WDR72: variants seen among roughly 807,000 people sequenced by gnomAD.
The protein encoded by WDR72 is WD repeat domain 72, also known as WD repeat-containing protein 72.
A neutral mutation model predicts 124.2 loss-of-function variants in WDR72; 120 were observed. The ratio of observed to expected loss-of-function variants is 0.97; its 90% confidence interval spans 0.83 to 1.12. WDR72 has a LOEUF of 1.12. WDR72 is among the 50% of genes most tolerant of loss of function. The probability of loss-of-function intolerance (pLI) is 0.00; values close to 1 mark genes in which losing one functional copy is unlikely to be tolerated. For missense variants in WDR72, 1,387 were observed against 1,278.8 expected (o/e 1.08, Z -1.29); for synonymous variants, 452 against 441.7 (o/e 1.02, Z -0.29).
At position 53,515,068 on chromosome 15, in the gene WDR72, CACATATATATGTATGTAT is replaced by C. The variant is rs1891378774; in HGVS notation, c.*2613_*2630del. ...ATATATATGTGTGTATATATATACA[CACATATATATGTATGTAT>C]ACACACACACACACACACACAAATA... On this transcript the variant is annotated 3_prime_UTR_variant, in exon 20 of 20. Transcript: ENST00000360509. 2.1e-5 allele frequency: 2 copies of C among 96,198 alleles called. No individual in the cohort carries two copies. The highest frequency in any genetic ancestry group is 4.5e-5 in the Non-Finnish European group (2 of 44,910). The allele number at this position is 96,198 out of a possible 1,614,324, so 6.0% of individuals were successfully genotyped here.
At chr15:53,711,977 T>C (rs893465404) in intron 7 of WDR72, among the ~76,000 whole-genome samples, 3 of 152,202 alleles carry the variant, frequency 2.0e-5, no homozygotes, top group Non-Finnish European at 2.9e-5. Context: ...ACTTAGCTTT[T>C]CTTTCTTCTT....
At chr15:53,710,396 G>GAGAA (rs10693059) in intron 9 of WDR72, among the ~76,000 whole-genome samples, 111,906 of 151,354 alleles carry the variant, frequency 0.74, 41,470 homozygotes, top group South Asian at 0.8. Flanking sequence ...GACAGAGAAT[G>GAGAA]AGAAAGTAAA....
At chr15:53,598,233 GTGCCTTTCATATAGC>G (rs2012871388) in intron 17 of WDR72, among the ~76,000 whole-genome samples, 6 of 77,908 alleles carry the variant, frequency 7.7e-5, no homozygotes, top group Non-Finnish European at 2.4e-4. Flanking sequence ...CTACATCCCA[GTGCCTTTCATATAGC>G]TACATCCCAG....
In WDR72 at chr15:53,712,770, A is replaced by T. The variant is rs536884063; in HGVS notation, c.711+2T>A. 1 of 1,611,876 alleles carries T rather than the reference A, an allele frequency of 6.2e-7. No individual in the cohort carries two copies. The highest frequency in any genetic ancestry group is 1.3e-5 in the African/African-American group (1 of 74,992). On this transcript the variant is annotated splice_donor_variant, in intron 7 of 19. Transcript: ENST00000360509. LOFTEE classifies it high-confidence loss of function. Reference sequence around the variant, plus strand: ...GGTATTTATTATGTTACTTTATAATACCTTCCAACATTTAGAAAATACCAC... The same window carrying T: ...GGTATTTATTATGTTACTTTATAATTCCTTCCAACATTTAGAAAATACCAC...
At chr15:53,648,206 T>A (rs1027024667) in intron 14 of WDR72, among the ~76,000 whole-genome samples, 2 of 152,152 alleles carry the variant, frequency 1.3e-5, no homozygotes, top group Non-Finnish European at 2.9e-5. Context: ...AAGCCAAATT[T>A]TACGTAGCAG....
intron 9 of WDR72, among the ~76,000 whole-genome samples, chr15:53,708,688 T>C (rs572188793): frequency 6.6e-6 from 1 of 152,164 alleles, no homozygotes; most frequent in Non-Finnish European, 1.5e-5. Flanking sequence ...GTCATCATCA[T>C]CACCATCATC....
intron 13 of WDR72, among the ~76,000 whole-genome samples, chr15:53,674,797 C>T (rs1215859103): frequency 6.6e-6 from 1 of 152,126 alleles, no homozygotes; most frequent in Non-Finnish European, 1.5e-5. Context: ...ACCACCATGA[C>T]CTTAACCCCA....
At chr15:53,666,044 TCTTA>T (rs2015769151) in intron 13 of WDR72, among the ~76,000 whole-genome samples, 1 of 152,188 alleles carries the variant, frequency 6.6e-6, no homozygotes, top group African/African-American at 2.4e-5. Context: ...TAGTAAAATC[TCTTA>T]CTTATTATAC....
At position 53,715,240 on chromosome 15, in the gene WDR72, G is replaced by A; in HGVS notation, c.467C>T (p.Pro156Leu). ...VVHSFRSSQF[P>L]DWINCMCIVH... Reference sequence around the variant, plus strand: ...AATGCACATGCAGTTGATCCAGTCAGGAAACTGAGATGATCTAAAACTGTG... The same window carrying A: ...AATGCACATGCAGTTGATCCAGTCAAGAAACTGAGATGATCTAAAACTGTG... Residue 156 changes from proline to leucine, a missense_variant, in exon 5 of 20, where the codon CCT becomes CTT. Physicochemically the swap from Pro to Leu is moderately conservative, Grantham distance 98. Transcript: ENST00000360509. 3.7e-6 allele frequency: 6 copies of A among 1,614,100 alleles called. No individual in the cohort carries two copies. The highest frequency in any genetic ancestry group is 5.1e-6 in the Non-Finnish European group (6 of 1,180,008).
At chr15:53,707,485 T>C (rs28419272) in intron 9 of WDR72, among the ~76,000 whole-genome samples, 4 of 152,074 alleles carry the variant, frequency 2.6e-5, no homozygotes, top group Non-Finnish European at 5.9e-5. Context: ...CTCGCTCTGT[T>C]GCCCAGGCTG....
At position 53,515,056 on chromosome 15, in the gene WDR72, T is replaced by TACAC. The variant is rs1891376248; in HGVS notation, c.*2642_*2643insGTGT. ...ATATATATGTGTATATATATGTGTG[T>TACAC]ATATATATACACACATATATATGTA... On this transcript the variant is annotated 3_prime_UTR_variant, in exon 20 of 20. Transcript: ENST00000360509. 1.5e-4 allele frequency: 11 copies of TACAC among 75,726 alleles called. No individual in the cohort carries two copies. The highest frequency in any genetic ancestry group is 3.5e-4 in the African/African-American group (11 of 31,070). The allele number at this position is 75,726 out of a possible 1,614,324, so 4.7% of individuals were successfully genotyped here.
chr15:53,701,833 G>A (rs1468322438), intron 12 of WDR72, among the ~76,000 whole-genome samples: 1 of 152,000 alleles, frequency 6.6e-6, no homozygotes, highest in Non-Finnish European at 1.5e-5. Flanking sequence ...GATATAGAAT[G>A]AGAGGAAAAA....
chr15:53,705,216 T>C lies in WDR72; in HGVS notation c.1120A>G (p.Thr374Ala). The change falls in exon 11 of 20, where the codon ACC (threonine) becomes GCC (alanine). Residue 374 changes from threonine (T) to alanine (A), a missense_variant. Physicochemically the swap from Thr to Ala is moderately conservative, Grantham distance 58. Coordinates refer to ENST00000360509, the MANE Select transcript of WDR72 (RefSeq NM_182758.4). ...TCAAAATTATCTTGAAGAGTCCAGG[T>C]GGCAGTTACTGGTATCTCTAAAAAG... ...GSPREIPVTA[T>A]WTLQDNFDKH... 2 of 1,613,466 alleles carry C rather than the reference T, an allele frequency of 1.2e-6. No individual in the cohort carries two copies. The highest frequency in any genetic ancestry group is 1.3e-5 in the African/African-American group (1 of 75,012).
At chr15:53,676,245 T>C (rs928399314) in intron 13 of WDR72, among the ~76,000 whole-genome samples, 1 of 152,206 alleles carries the variant, frequency 6.6e-6, no homozygotes, top group African/African-American at 2.4e-5. Flanking sequence ...CCAATGACAG[T>C]CATCCTTATG....
intron 14 of WDR72, among the ~76,000 whole-genome samples, chr15:53,651,487 A>C (rs2140428060): frequency 6.6e-6 from 1 of 152,348 alleles, no homozygotes; most frequent in South Asian, 2.1e-4. Context: ...TTCAATGAAT[A>C]CTTGCTGAAT....
chr15:53,526,541 T>C (rs1414108037), intron 18 of WDR72, among the ~76,000 whole-genome samples: 1 of 152,124 alleles, frequency 6.6e-6, no homozygotes, highest in Non-Finnish European at 1.5e-5. Flanking sequence ...TCTTCTCACC[T>C]GTGAAAGTTA....
At chr15:53,701,390 TA>T (rs912637977) in intron 12 of WDR72, among the ~76,000 whole-genome samples, 2 of 151,484 alleles carry the variant, frequency 1.3e-5, no homozygotes, top group African/African-American at 2.4e-5. Context: ...AAAACAAAAA[TA>T]AAAAACAGTA....
chr15:53,757,627 A>G (rs1314824479), intron 1 of WDR72, among the ~76,000 whole-genome samples: 1 of 145,726 alleles, frequency 6.9e-6, no homozygotes, highest in Non-Finnish European at 1.5e-5. Context: ...CATCTCAACA[A>G]CAACAACAAC....
At position 53,715,179 on chromosome 15, in the gene WDR72, T is replaced by C. The variant is rs2140558313; in HGVS notation, c.514+14A>G. 6.2e-7 allele frequency: 1 copy of C among 1,613,622 alleles called. No individual in the cohort carries two copies. Among genetic ancestry groups the C allele is most frequent in the Non-Finnish European group, 8.5e-7 (1 of 1,179,664 alleles). The stretch of plus-strand genomic sequence containing the variant: ...ATGCAATCTCTCTACTGTCAGATAA[T>C]ATCCAACTATTACCTTGAATTCTCA... On this transcript the variant is annotated intron_variant, in intron 5 of 19. Transcript: ENST00000360509.
Sources: allele counts gnomAD v4.1 joint callset (sites outside exome capture counted in the v4.1 genomes callset), GRCh38; gene constraint gnomAD v4.1.1; transcripts MANE v1.5; gene names NCBI Gene and HGNC (gene_info 2026-07-23, HGNC 2026-07-21).